PSTPIP2: variants seen among roughly 807,000 people sequenced by gnomAD.
PSTPIP2 encodes proline-serine-threonine phosphatase interacting protein 2, also known as proline-serine-threonine phosphatase-interacting protein 2.
Under a neutral mutation model 63.3 loss-of-function variants are expected in PSTPIP2, and 33 were observed. The ratio of observed to expected loss-of-function variants is 0.52; its 90% confidence interval spans 0.40 to 0.70. The LOEUF (loss-of-function observed/expected upper bound fraction) is 0.70, where lower values mean the gene tolerates loss of function less well. Among genes scored for constraint, PSTPIP2 ranks in the 30% least tolerant of loss-of-function variants. The probability of loss-of-function intolerance (pLI) is 0.00; values close to 1 mark genes in which losing one functional copy is unlikely to be tolerated. For synonymous variants in PSTPIP2, 125 were observed against 132.7 expected, an observed-to-expected ratio of 0.94 and a Z score of 0.40; for missense variants, 312 against 400.7, an observed-to-expected ratio of 0.78 and a Z score of 1.89.
Position 46,022,624 on chromosome 18 carries a change from A to G in PSTPIP2, c.212+1985T>C, listed in dbSNP as rs1299030216. Among the ~76,000 whole-genome samples the G allele has an allele frequency of 2.0e-5, 3 of 152,230 alleles. No individual in the cohort carries two copies. In the East Asian group the frequency reaches 5.8e-4, roughly 29 times the overall value. ...TTTATAAATTATTAAAAATTTCAGA[A>G]TGGTGATAGCAGGGCATTAAATCAA... On this transcript the variant is annotated intron_variant, in intron 3 of 14. Coordinates refer to ENST00000409746, the MANE Select transcript of PSTPIP2 (RefSeq NM_024430.4).
intron 1 of PSTPIP2, among the ~76,000 whole-genome samples, chr18:46,071,019 T>A (rs1195216673): frequency 1.3e-5 from 2 of 152,140 alleles, no homozygotes; most frequent in Non-Finnish European, 2.9e-5. Context: ...GTGAGAGCCA[T>A]CTGTGGTGCC....
Position 46,029,174 on chromosome 18 carries a change from T to C in PSTPIP2, c.135-4488A>G, listed in dbSNP as rs1156407212. ...CTCACAGCAAGGTTTTTTATGTCTATGACATGCTAGCTGGAAATTAATTCC... is the reference window on the plus strand; with the variant it reads ...CTCACAGCAAGGTTTTTTATGTCTACGACATGCTAGCTGGAAATTAATTCC... On this transcript the variant is annotated intron_variant, in intron 2 of 14. Coordinates refer to ENST00000409746, the MANE Select transcript of PSTPIP2 (RefSeq NM_024430.4). 5.1e-6 allele frequency: 5 copies of C among 985,664 alleles called. No homozygotes were observed. The East Asian group carries it at 7.1e-5, about 14-fold the overall frequency. 61.1% of individuals were successfully genotyped at this position (985,664 alleles called of 1,614,324 possible).
intron 2 of PSTPIP2, chr18:46,029,202 T>C (rs1462930623): frequency 9.4e-7 from 1 of 1,059,588 alleles, no homozygotes; most frequent in African/African-American, 1.5e-5. Flanking sequence ...TTAATTCCTG[T>C]GCATCAAGTG....
At chr18:45,992,705 AT>A (rs1354952730) in intron 10 of PSTPIP2, among the ~76,000 whole-genome samples, 3 of 151,632 alleles carry the variant, frequency 2.0e-5, no homozygotes, top group Admixed American at 6.6e-5. Flanking sequence ...TCTGCTATTA[AT>A]TTTTTATTTT....
intron 4 of PSTPIP2, among the ~76,000 whole-genome samples, chr18:46,014,151 T>C (rs1188720628): frequency 6.6e-6 from 1 of 151,858 alleles, no homozygotes; most frequent in Non-Finnish European, 1.5e-5. Context: ...GCCTCTGGAG[T>C]AGCTGGGACT....
chr18:46,019,235 C>T (rs1659365027), intron 3 of PSTPIP2, among the ~76,000 whole-genome samples: 1 of 152,098 alleles, frequency 6.6e-6, no homozygotes, highest in African/African-American at 2.4e-5. Flanking sequence ...GATCATGCAT[C>T]ATTTTATATA....
chr18:46,051,347 C>T (rs144762156), intron 1 of PSTPIP2, among the ~76,000 whole-genome samples: 1 of 152,156 alleles, frequency 6.6e-6, no homozygotes, highest in African/African-American at 2.4e-5. Flanking sequence ...GCATGGTGGG[C>T]ACCTGTAATC....
intron 8 of PSTPIP2, 117 bp from the exon 9 acceptor site, chr18:45,997,945 A>C: frequency 2.4e-6 from 2 of 831,364 alleles, no homozygotes; most frequent in Non-Finnish European, 2.0e-6. Context: ...CTGAGCTTAC[A>C]AGGCCCCCAG....
chr18:46,068,884 C>T (rs897854834), intron 1 of PSTPIP2, among the ~76,000 whole-genome samples: 5 of 152,056 alleles, frequency 3.3e-5, no homozygotes, highest in African/African-American at 4.8e-5. Flanking sequence ...GACAAGATTC[C>T]AATCTGGTAA....
intron 1 of PSTPIP2, among the ~76,000 whole-genome samples, chr18:46,050,221 A>T (rs1268141164): frequency 6.6e-6 from 1 of 152,240 alleles, no homozygotes; most frequent in African/African-American, 2.4e-5. Flanking sequence ...CTACAGAAAT[A>T]ACTACACAAA....
chr18:45,987,853 C>A (rs2051483423), intron 14 of PSTPIP2, among the ~76,000 whole-genome samples: 1 of 152,170 alleles, frequency 6.6e-6, no homozygotes, highest in Non-Finnish European at 1.5e-5. Context: ...TGCAGTATAT[C>A]TTTGCAGCTA....
chr18:45,987,824 G>A, intron 14 of PSTPIP2, among the ~76,000 whole-genome samples: 1 of 152,128 alleles, frequency 6.6e-6, no homozygotes, highest in East Asian at 1.9e-4. Context: ...GCACCTGAGT[G>A]CCTAAGAAAA....
At chr18:46,045,204 A>G (rs1908340160) in intron 1 of PSTPIP2, among the ~76,000 whole-genome samples, 1 of 152,264 alleles carries the variant, frequency 6.6e-6, no homozygotes, top group Non-Finnish European at 1.5e-5. Context: ...ATAAAGACAC[A>G]TGCACACGTA....
intron 2 of PSTPIP2, among the ~76,000 whole-genome samples, chr18:46,038,367 G>T (rs1347727079): frequency 1.3e-5 from 2 of 152,142 alleles, no homozygotes; most frequent in Middle Eastern, 3.2e-3. Flanking sequence ...ACTGTATCAG[G>T]GGACCCTTGG....
intron 9 of PSTPIP2, 71 bp from the exon 10 acceptor site, chr18:45,993,774 T>A: frequency 7.7e-7 from 1 of 1,301,000 alleles, no homozygotes; most frequent in South Asian, 1.2e-5. Context: ...AGCTGTGACT[T>A]AAGAAACAGT....
chr18:46,040,310 C>T, intron 1 of PSTPIP2: 1 of 325,118 alleles, frequency 3.1e-6, no homozygotes, highest in Non-Finnish European at 5.7e-6. Context: ...ATGAATAATC[C>T]ACCAACCAAG....
chr18:46,050,395 C>G (rs943681503), intron 1 of PSTPIP2, among the ~76,000 whole-genome samples: 2 of 152,008 alleles, frequency 1.3e-5, no homozygotes, highest in African/African-American at 4.8e-5. Context: ...CATGGCAAAA[C>G]CCCATCTCTA....
At chr18:46,046,881 A>G (rs1286227068) in intron 1 of PSTPIP2, among the ~76,000 whole-genome samples, 1 of 152,254 alleles carries the variant, frequency 6.6e-6, no homozygotes, top group Non-Finnish European at 1.5e-5. Flanking sequence ...CATCTCATAC[A>G]AAGGCTGCAG....
At chr18:46,004,515 G>C (rs2051703981) in intron 6 of PSTPIP2, among the ~76,000 whole-genome samples, 1 of 152,130 alleles carries the variant, frequency 6.6e-6, no homozygotes, top group Non-Finnish European at 1.5e-5. Flanking sequence ...AACAGAAAGG[G>C]ATCACTCAAT....
Sources: allele counts gnomAD v4.1 joint callset (sites outside exome capture counted in the v4.1 genomes callset), GRCh38; gene constraint gnomAD v4.1.1; transcripts MANE v1.5; gene names NCBI Gene and HGNC (gene_info 2026-07-23, HGNC 2026-07-21).